NFYC: variants seen among roughly 807,000 people sequenced by gnomAD.
NFYC encodes the protein nuclear transcription factor Y subunit gamma, also known as CAAT box DNA-binding protein subunit C.
In NFYC, 25 loss-of-function variants were observed where a neutral mutation model predicts 53.1. The observed-to-expected ratio is 0.47, with a 90% CI of 0.34 to 0.66. The LOEUF (loss-of-function observed/expected upper bound fraction) is 0.66. NFYC is among the 30% of genes least tolerant of loss of function. The probability of loss-of-function intolerance (pLI) is 0.01; values close to 1 mark genes in which losing one functional copy is unlikely to be tolerated. For synonymous variants in NFYC, 145 were observed against 152.6 expected (o/e 0.95, Z 0.37); for missense variants, 260 against 422.7 (o/e 0.62, Z 3.38).
chr1:40,724,107 C>T (rs768017854), intron 1 of NFYC, among the ~76,000 whole-genome samples: 3 of 152,154 alleles, frequency 2.0e-5, no homozygotes, highest in Admixed American at 1.3e-4. Context: ...TGGTGGCTCA[C>T]GCCTGTAATC....
At chr1:40,738,404 A>G (rs1645167766) in intron 1 of NFYC, among the ~76,000 whole-genome samples, 1 of 152,210 alleles carries the variant, frequency 6.6e-6, no homozygotes, top group Non-Finnish European at 1.5e-5. Context: ...TAATATAAGA[A>G]TTTGCTGAAG....
chr1:40,746,720 TTTAA>T (rs1274367025), intron 2 of NFYC, among the ~76,000 whole-genome samples: 3 of 152,190 alleles, frequency 2.0e-5, no homozygotes, highest in Non-Finnish European at 4.4e-5. Context: ...TGGGCATGTG[TTTAA>T]ATACCAGTAG....
chr1:40,706,917 C>G (rs1467043103), intron 1 of NFYC, among the ~76,000 whole-genome samples: 1 of 152,116 alleles, frequency 6.6e-6, no homozygotes, highest in Non-Finnish European at 1.5e-5. Context: ...TGCCTGTAAT[C>G]CCAGCACTTT....
intron 1 of NFYC, among the ~76,000 whole-genome samples, chr1:40,710,002 G>A (rs1020994591): frequency 2.0e-5 from 3 of 152,196 alleles, no homozygotes; most frequent in Non-Finnish European, 4.4e-5. Flanking sequence ...GTTGACATCT[G>A]TGTTTTCAGA....
intron 1 of NFYC, among the ~76,000 whole-genome samples, chr1:40,736,023 A>G (rs1000552295): frequency 2.6e-5 from 4 of 152,218 alleles, no homozygotes; most frequent in African/African-American, 9.6e-5. Flanking sequence ...TTAGGACTTA[A>G]GATTTTATCT....
In NFYC at chr1:40,738,905, C is replaced by T. The variant is rs753390244; in HGVS notation, c.62C>T (p.Ser21Leu). 2 of 1,614,034 alleles carry T rather than the reference C, an allele frequency of 1.2e-6. No homozygotes were observed. Among genetic ancestry groups the T allele is most frequent in the East Asian group, 2.2e-5 (1 of 44,886 alleles). Reference protein sequence around the residue: ...SSSDAQQSLQSFWPRVMEEIR... With the variant: ...SSSDAQQSLQLFWPRVMEEIR... ...AGTGATGCCCAGCAAAGCCTACAGT[C>T]GTTCTGGCCTCGGGTCATGGAAGAA... Residue 21 changes from serine to leucine, a missense_variant, in exon 2 of 10, where the codon TCG (serine) becomes TTG (leucine). Physicochemically the swap from Ser to Leu is moderately radical, Grantham distance 145. Transcript: ENST00000447388.
intron 6 of NFYC, among the ~76,000 whole-genome samples, chr1:40,761,224 CT>C (rs1393785971): frequency 2.0e-5 from 3 of 152,152 alleles, no homozygotes; most frequent in Non-Finnish European, 4.4e-5. Context: ...TTCATCTGTG[CT>C]CCTCTCTGCC....
At chr1:40,706,664 A>G (rs1047262641) in intron 1 of NFYC, among the ~76,000 whole-genome samples, 2 of 152,336 alleles carry the variant, frequency 1.3e-5, no homozygotes, top group South Asian at 2.1e-4. Context: ...CTAAAAAAAA[A>G]TAATGAAAAG....
intron 6 of NFYC, among the ~76,000 whole-genome samples, chr1:40,759,668 C>A (rs547633590): frequency 5.3e-5 from 8 of 151,238 alleles, no homozygotes; most frequent in African/African-American, 1.9e-4. Context: ...AAGATGTGAA[C>A]GAGGTGGTCA....
intron 1 of NFYC, among the ~76,000 whole-genome samples, chr1:40,698,927 G>C (rs1180953215): frequency 6.6e-6 from 1 of 152,114 alleles, no homozygotes; most frequent in Non-Finnish European, 1.5e-5. Flanking sequence ...CACTTTGGGA[G>C]GCTGAGGCGG....
At chr1:40,754,589 G>GTA in intron 5 of NFYC, 1 of 371,912 alleles carries the variant, frequency 2.7e-6, no homozygotes, top group South Asian at 2.1e-5. Context: ...AGAACAAAGA[G>GTA]TATCATACAC....
intron 1 of NFYC, 35 bp downstream of exon 1, chr1:40,691,902 G>A: frequency 2.8e-6 from 1 of 355,384 alleles, no homozygotes; most frequent in Non-Finnish European, 5.6e-6. Flanking sequence ...GTGCGAGGGT[G>A]ATAGGGAAGC....
intron 2 of NFYC, among the ~76,000 whole-genome samples, chr1:40,741,447 C>T (rs1645336546): frequency 6.6e-6 from 1 of 152,130 alleles, no homozygotes; most frequent in Non-Finnish European, 1.5e-5. Flanking sequence ...GCATTTTCAA[C>T]TTAGGATCTT....
chr1:40,718,330 G>C (rs552081246), intron 1 of NFYC, among the ~76,000 whole-genome samples: 1 of 152,246 alleles, frequency 6.6e-6, no homozygotes, highest in South Asian at 2.1e-4. Context: ...AGTGACAAAG[G>C]CTTTTGCTCT....
chr1:40,748,819 A>G (rs747288338), intron 3 of NFYC, among the ~76,000 whole-genome samples: 30 of 152,230 alleles, frequency 2.0e-4, no homozygotes, highest in Non-Finnish European at 2.8e-4. Context: ...GAGATTTGAT[A>G]TAATAAGAAT....
chr1:40,770,762 G>C lies in NFYC; in HGVS notation c.942G>C (p.Gln314His). Residue 314 changes from glutamine (Q) to histidine (H), a missense_variant, in exon 10 of 10, where the codon CAG becomes CAC. By Grantham distance (24) the Gln-to-His change is conservative. Coordinates refer to ENST00000447388, the MANE Select transcript of NFYC (RefSeq NM_014223.5). This position sits in a 1 kb window ranked among gnomAD's most constrained non-coding sequence, Gnocchi z 5.3. ...TGCCTGCGGGCCAGGACCTCGCCCA[G>C]CCCATGTTCATCCAGTCAGCCAACC... ...VTMPAGQDLA[Q>H]PMFIQSANQP... The C allele has an allele frequency of 1.6e-5, 26 of 1,613,636 alleles. No individual in the cohort carries two copies. Among genetic ancestry groups the C allele is most frequent in the Non-Finnish European group, 2.1e-5 (25 of 1,180,034 alleles).
chr1:40,761,814 A>T (rs1646560473), intron 6 of NFYC, among the ~76,000 whole-genome samples: 2 of 152,298 alleles, frequency 1.3e-5, no homozygotes, highest in East Asian at 3.9e-4. Flanking sequence ...AGAGTTCCAT[A>T]GTCTTCTTAT....
At chr1:40,736,149 A>G (rs1645013283) in intron 1 of NFYC, among the ~76,000 whole-genome samples, 1 of 152,228 alleles carries the variant, frequency 6.6e-6, no homozygotes, top group Admixed American at 6.5e-5. Context: ...CTCCACCACA[A>G]GAAATTGGCT....
Position 40,691,827 on chromosome 1 carries a change from C to A in NFYC, c.-49C>A, listed in dbSNP as rs535548773. ...TCTGCATTGCCCGACTCCGTAGGAG[C>A]GCGGGGGCGGCTCCTGCTCTTCCTG... On this transcript the variant is annotated 5_prime_UTR_variant, in exon 1 of 10. Transcript: ENST00000447388. The A allele has an allele frequency of 2.3e-6, 1 of 436,354 alleles. No homozygotes were observed. Among genetic ancestry groups the A allele is most frequent in the South Asian group, 1.6e-5 (1 of 62,818 alleles). 27.0% of individuals were successfully genotyped at this position (436,354 alleles called of 1,614,324 possible).
Sources: allele counts gnomAD v4.1 joint callset (sites outside exome capture counted in the v4.1 genomes callset), GRCh38; gene constraint gnomAD v4.1.1; non-coding constraint Gnocchi (gnomAD v3.1); transcripts MANE v1.5; gene names NCBI Gene and HGNC (gene_info 2026-07-23, HGNC 2026-07-21).